The following BCL2L14 variants were observed in gnomAD, a reference collection of about 807,000 sequenced individuals.
The protein encoded by BCL2L14 is BCL2 like 14.
BCL2L14 carries 27 observed loss-of-function variants against 35.3 expected under a neutral mutation model. The observed-to-expected ratio is 0.76, with a 90% CI of 0.56 to 1.05. The LOEUF (loss-of-function observed/expected upper bound fraction) is 1.05. BCL2L14 is among the 50% of genes least tolerant of loss of function. The pLI is 0.00. For synonymous variants in BCL2L14, 139 were observed against 145.9 expected (o/e 0.95, Z 0.34); for missense variants, 377 against 382.6 (o/e 0.99, Z 0.12).
chr12:12,066,978 G>A (rs561312503), upstream of BCL2L14, among the ~76,000 whole-genome samples: 5 of 152,172 alleles, frequency 3.3e-5, no homozygotes, highest in Admixed American at 1.3e-4. Context: ...CCAAAGTGCT[G>A]GGATTACAAG....
Position 12,089,461 on chromosome 12 carries a change from C to T in BCL2L14, c.608-1318C>T, listed in dbSNP as rs182421083. ...CTGTAATCCCAGCACTTCGAGAGGC[C>T]GAGGCGGACGGATCTCTTGAGGCCA... On this transcript the variant is annotated intron_variant, in intron 3 of 5. Coordinates refer to ENST00000308721, the MANE Select transcript of BCL2L14 (RefSeq NM_138723.2). Among the ~76,000 whole-genome samples the T allele has an allele frequency of 4.9e-4, 74 of 151,902 alleles. No individual in the cohort carries two copies. In the East Asian group the frequency reaches 0.013, roughly 26 times the overall value.
In BCL2L14 at chr12:12,090,855, G is replaced by C; in HGVS notation, c.678+6G>C. On this transcript the variant is annotated splice_donor_region_variant and intron_variant, in intron 4 of 5. Transcript: ENST00000308721. ...GAGATCAGTTGGAAAGAAAGGTATG[G>C]AACACCTTGAACTGATGCGATTGAT... 6.2e-7 allele frequency: 1 copy of C among 1,602,024 alleles called. No individual in the cohort carries two copies. The highest frequency in any genetic ancestry group is 1.3e-5 in the African/African-American group (1 of 74,612).
Position 12,094,758 on chromosome 12 carries a change from A to T in BCL2L14, c.773A>T (p.Asp258Val), listed in dbSNP as rs777725808. 6 of 1,613,984 alleles carry T rather than the reference A, an allele frequency of 3.7e-6. No homozygotes were observed. Among genetic ancestry groups the T allele is most frequent in the Non-Finnish European group, 5.1e-6 (6 of 1,180,032 alleles). The stretch of plus-strand genomic sequence containing the variant: ...ACAGACCAGGTCCTAATGGGTGTGG[A>T]CCCCAGGGGAGAATCAGAGGTCAAA... ...TITDQVLMGV[D>V]PRGESEVKAQ... The change falls in exon 5 of 6, where the codon GAC (aspartate) becomes GTC (valine). Residue 258 changes from aspartate (D) to valine (V), a missense_variant. Transcript: ENST00000308721.
At chr12:12,080,944 G>T (rs1948907913) in intron 2 of BCL2L14, among the ~76,000 whole-genome samples, 1 of 152,168 alleles carries the variant, frequency 6.6e-6, no homozygotes, top group Admixed American at 6.5e-5. Context: ...AGCACTTTGG[G>T]AGGCCAAGGT....
chr12:12,050,753 G>A (rs1426179698), intron 1 of BCL2L14, among the ~76,000 whole-genome samples: 1 of 136,760 alleles, frequency 7.3e-6, no homozygotes, highest in Non-Finnish European at 1.5e-5. Flanking sequence ...AATTGTCTTG[G>A]GCCACACATA....
At chr12:12,055,354 C>T (rs1189060665) in intron 2 of BCL2L14, 1 of 152,210 alleles carries the variant, frequency 6.6e-6, no homozygotes, top group Non-Finnish European at 1.5e-5. Flanking sequence ...AAACACACCC[C>T]TGATCCGTGG....
rs767369919 is a variant in BCL2L14, at chr12:12,079,701, G to A, written c.396G>A (p.Arg132=). The A allele has an allele frequency of 1.2e-5, 20 of 1,614,202 alleles. No homozygotes were observed. The South Asian group carries it at 1.6e-4, about 13-fold the overall frequency. ...ATTCGCACAGCCAGCAGTGGTCCAG[G>A]TGTCTTTCTAACGTGGAGCAGTGCT... The part of the protein sequence containing the change: ...YQDSHSQQWS[R]CLSNVEQCLE... The change falls in exon 2 of 6, where the codon AGG becomes AGA. Residue 132 remains arginine (R), a synonymous_variant. Coordinates refer to ENST00000308721, the MANE Select transcript of BCL2L14 (RefSeq NM_138723.2).
At chr12:12,080,244 G>T (rs1948887194) in intron 2 of BCL2L14, among the ~76,000 whole-genome samples, 1 of 151,736 alleles carries the variant, frequency 6.6e-6, no homozygotes, top group Admixed American at 6.6e-5. Flanking sequence ...GGAAGTTAAG[G>T]GTGCTGGGAC....
intron 1 of BCL2L14, among the ~76,000 whole-genome samples, chr12:12,074,669 C>T (rs944653284): frequency 2.6e-5 from 4 of 152,112 alleles, no homozygotes; most frequent in African/African-American, 9.7e-5. Flanking sequence ...GAACTCCTGA[C>T]CTCAAGTGAT....
chr12:12,090,212 T>C (rs1019459821), intron 3 of BCL2L14, among the ~76,000 whole-genome samples: 4 of 152,026 alleles, frequency 2.6e-5, no homozygotes, highest in African/African-American at 7.3e-5. Context: ...AATTTCACAG[T>C]GAGAGCTGGG....
chr12:12,085,347 G>C (rs1949019473), intron 2 of BCL2L14, among the ~76,000 whole-genome samples: 1 of 152,206 alleles, frequency 6.6e-6, no homozygotes. Context: ...ATCTCCTGAG[G>C]ACATGGCCAG....
upstream of BCL2L14, among the ~76,000 whole-genome samples, chr12:12,069,707 CAAAAAA>C (rs34941963): frequency 8.5e-6 from 1 of 117,356 alleles, no homozygotes; most frequent in African/African-American, 3.3e-5. Flanking sequence ...GACTCCGTCT[CAAAAAA>C]AAAAAAAAAA....
chr12:12,098,547 C>T (rs1009352501), intron 5 of BCL2L14, among the ~76,000 whole-genome samples: 1 of 152,176 alleles, frequency 6.6e-6, no homozygotes, highest in African/African-American at 2.4e-5. Context: ...TGATTTACTC[C>T]TTGGCTCTTT....
chr12:12,059,473 C>G lies in BCL2L14; in HGVS notation c.-272+7626C>G, dbSNP rs145473741. Among the ~76,000 whole-genome samples the G allele has an allele frequency of 3.0e-4, 46 of 152,076 alleles. 1 individual carries two copies. The East Asian group carries it at 8.9e-3, about 29-fold the overall frequency. On this transcript the variant is annotated intron_variant, in intron 2 of 3. Transcript: ENST00000461264. ...GCCCCAATCCCTTATTTCTGCACCC[C>G]AACCTCATATCTCTGCTCCCCGATC...
chr12:12,078,634 C>A (rs549805997), intron 1 of BCL2L14, among the ~76,000 whole-genome samples: 1 of 152,166 alleles, frequency 6.6e-6, no homozygotes, highest in Non-Finnish European at 1.5e-5. Context: ...CCCCTCTGCC[C>A]GCCCTGTTGT....
Position 12,094,864 on chromosome 12 carries a change from C to T in BCL2L14, c.879C>T (p.Val293=), listed in dbSNP as rs1481575771. Reference sequence around the variant, plus strand: ...TTGACAACCACCCGATGAACAGGGTCCTGGGCTTTGGCACCAAGTACCTGA... The same window carrying T: ...TTGACAACCACCCGATGAACAGGGTTCTGGGCTTTGGCACCAAGTACCTGA... The part of the protein sequence containing the change: ...TAIDNHPMNR[V]LGFGTKYLKE... Residue 293 remains valine, a synonymous_variant, in exon 5 of 6, where the codon GTC becomes GTT. Transcript: ENST00000308721. 1 of 1,614,210 alleles carries T rather than the reference C, an allele frequency of 6.2e-7. No individual in the cohort carries two copies. The highest frequency in any genetic ancestry group is 8.5e-7 in the Non-Finnish European group (1 of 1,180,058).
intron 3 of BCL2L14, among the ~76,000 whole-genome samples, chr12:12,088,724 A>C (rs1949101788): frequency 6.6e-6 from 1 of 151,824 alleles, no homozygotes; most frequent in Non-Finnish European, 1.5e-5. Context: ...TTGGGTTTGC[A>C]CCTCCCTAAA....
intron 3 of BCL2L14, 90 bp downstream of exon 3, chr12:12,087,476 C>A: frequency 7.2e-7 from 1 of 1,393,922 alleles, no homozygotes; most frequent in Non-Finnish European, 9.9e-7. Context: ...GGCAACTTGA[C>A]AGTCTCCGCT....
At chr12:12,070,750 T>TAAC (rs1565453756), upstream of BCL2L14, among the ~76,000 whole-genome samples, 1 of 151,986 alleles carries the variant, frequency 6.6e-6, no homozygotes, top group East Asian at 1.9e-4. Flanking sequence ...TTTGTTTAAC[T>TAAC]AACAACTGAT....
Sources: allele counts gnomAD v4.1 joint callset (sites outside exome capture counted in the v4.1 genomes callset), GRCh38; gene constraint gnomAD v4.1.1; transcripts MANE v1.5; gene names NCBI Gene and HGNC (gene_info 2026-07-23, HGNC 2026-07-21).